PAGE1: variants seen among roughly 807,000 people sequenced by gnomAD.
The protein encoded by PAGE1 is PAGE family member 1, also known as P antigen family member 1.
Under a neutral mutation model 11.5 loss-of-function variants are expected in PAGE1, and 6 were observed. The observed-to-expected ratio is 0.52, with a 90% CI of 0.29 to 1.03. The LOEUF (loss-of-function observed/expected upper bound fraction) is 1.03. PAGE1 is among the 50% of genes least tolerant of loss of function. PAGE1 has a pLI of 0.09. For synonymous variants in PAGE1, 42 were observed against 40.2 expected, an observed-to-expected ratio of 1.05 and a Z score of -0.17; for missense variants, 120 against 110.2, an observed-to-expected ratio of 1.09 and a Z score of -0.40.
chrX:49,694,074 G>C, intron 3 of PAGE1, 25 bp downstream of exon 3: 1 of 806,555 alleles, frequency 1.2e-6, no homozygotes, highest in Non-Finnish European at 1.8e-6. Flanking sequence ...ACCCCAACAG[G>C]CATTCTTCTT....
chrX:49,691,463 T>G, intron 3 of PAGE1, 89 bp from the exon 4 acceptor site: 1 of 756,645 alleles, frequency 1.3e-6, no homozygotes, highest in South Asian at 3.9e-5. Context: ...TCTTATTAAA[T>G]AAAAGCTTTA....
chrX:49,692,668 T>C (rs2147146249), intron 3 of PAGE1, among the ~76,000 whole-genome samples: 1 of 110,999 alleles, frequency 9.0e-6, no homozygotes, highest in African/African-American at 3.3e-5. Context: ...TAACATAAAA[T>C]TTACCATGGT....
chrX:49,688,794 A>G (rs1165167398), intron 5 of PAGE1, among the ~76,000 whole-genome samples: 2 of 111,980 alleles, frequency 1.8e-5, no homozygotes, highest in African/African-American at 6.5e-5. Context: ...CATATTTCAC[A>G]CCAACTGATG....
At chrX:49,695,515 G>A (rs2066938546) in intron 1 of PAGE1, among the ~76,000 whole-genome samples, 1 of 111,268 alleles carries the variant, frequency 9.0e-6, no homozygotes, top group African/African-American at 3.3e-5. Context: ...CCGCCTCGGG[G>A]CCCCATTCAG....
chrX:49,691,007 G>A (rs782242991), intron 4 of PAGE1, among the ~76,000 whole-genome samples: 1 of 111,343 alleles, frequency 9.0e-6, no homozygotes, highest in Non-Finnish European at 1.9e-5. Flanking sequence ...ACAAAACCCC[G>A]TCTCTACTAA....
intron 5 of PAGE1, among the ~76,000 whole-genome samples, chrX:49,688,951 T>C (rs782578247): frequency 8.9e-6 from 1 of 112,493 alleles, no homozygotes; most frequent in East Asian, 2.8e-4. Flanking sequence ...TGACAGTCTA[T>C]AAGTTGGCTG....
chrX:49,693,303 CAA>C (rs1557142429), intron 3 of PAGE1, among the ~76,000 whole-genome samples: 1 of 111,841 alleles, frequency 8.9e-6, no homozygotes, highest in Non-Finnish European at 1.9e-5. Flanking sequence ...ACGCTGAGAA[CAA>C]AGGAATGAGT....
intron 5 of PAGE1, among the ~76,000 whole-genome samples, chrX:49,688,021 AG>A (rs2017209236): frequency 8.9e-6 from 1 of 112,846 alleles, no homozygotes; most frequent in African/African-American, 3.2e-5. Flanking sequence ...ACAGTGGGGC[AG>A]GGAGTGTGCG....
intron 1 of PAGE1, among the ~76,000 whole-genome samples, chrX:49,695,209 C>A (rs782773384): frequency 1.8e-5 from 2 of 112,395 alleles, no homozygotes; most frequent in Non-Finnish European, 3.8e-5. Flanking sequence ...CACAAGCGGA[C>A]TCCACATGAA....
intron 4 of PAGE1, among the ~76,000 whole-genome samples, 173 bp from the exon 5 acceptor site, chrX:49,689,716 GTA>G (rs1557141710): frequency 1.8e-5 from 1 of 54,073 alleles, no homozygotes; most frequent in Admixed American, 2.6e-4. Context: ...GTGTATATAT[GTA>G]TATATGTATA....
chrX:49,687,965 T>C (rs1557141202), intron 5 of PAGE1, among the ~76,000 whole-genome samples: 1 of 112,838 alleles, frequency 8.9e-6, no homozygotes, highest in Non-Finnish European at 1.9e-5. Flanking sequence ...TTAGAGATCA[T>C]GTATGTGTCT....
At chrX:49,694,344 T>C in intron 2 of PAGE1, 143 bp from the exon 3 acceptor site, 1 of 431,551 alleles carries the variant, frequency 2.3e-6, no homozygotes, top group Non-Finnish European at 4.0e-6. Context: ...TCTCCAACTT[T>C]ATTCTATATG....
intron 4 of PAGE1, among the ~76,000 whole-genome samples, chrX:49,689,761 CAT>C (rs1181705120): frequency 4.2e-4 from 23 of 55,418 alleles, no homozygotes; most frequent in South Asian, 1.2e-3. Context: ...TGTATATATA[CAT>C]ATATATGTGT....
intron 3 of PAGE1, among the ~76,000 whole-genome samples, chrX:49,692,368 A>G (rs782567855): frequency 9.0e-6 from 1 of 111,162 alleles, no homozygotes; most frequent in East Asian, 2.8e-4. Context: ...CCTTATCTGA[A>G]CAATGCAGCA....
intron 3 of PAGE1, among the ~76,000 whole-genome samples, 198 bp downstream of exon 3, chrX:49,693,901 G>C (rs1485339638): frequency 9.1e-6 from 1 of 110,420 alleles, no homozygotes; most frequent in African/African-American, 3.3e-5. Context: ...TTATCATAGT[G>C]AGGGATTTAT....
intron 4 of PAGE1, 130 bp from the exon 5 acceptor site, chrX:49,689,673 C>CAT (rs200399500): frequency 0.034 from 2,191 of 63,640 alleles, 248 homozygotes; most frequent in African/African-American, 0.22. Context: ...TATACATATA[C>CAT]ATATATGTGT....
At chrX:49,695,479 T>G (rs2066938229) in intron 1 of PAGE1, among the ~76,000 whole-genome samples, 1 of 111,257 alleles carries the variant, frequency 9.0e-6, no homozygotes, top group Admixed American at 9.5e-5. Context: ...GGCCCCTTCT[T>G]TACCGCCATC....
chrX:49,694,260 ATGTC>A, intron 2 of PAGE1, 59 bp from the exon 3 acceptor site: 1 of 608,781 alleles, frequency 1.6e-6, no homozygotes, highest in African/African-American at 2.2e-5. Context: ...TTATTAATAC[ATGTC>A]AAAAAATATA....
chrX:49,691,766 A>G (rs2066921298), intron 3 of PAGE1, among the ~76,000 whole-genome samples: 1 of 111,997 alleles, frequency 8.9e-6, no homozygotes, highest in African/African-American at 3.2e-5. Context: ...GTGAAAAAAC[A>G]GTCTTTAGAA....
Sources: gnomAD v4.1 joint callset for allele counts (sites outside exome capture counted in the v4.1 genomes callset) on GRCh38, gnomAD v4.1.1 for gene constraint, MANE v1.5 for transcripts, NCBI Gene and HGNC (gene_info 2026-07-23, HGNC 2026-07-21) for gene names.